The following PGR variants were observed in gnomAD, a reference collection of about 807,000 sequenced individuals.
PGR encodes progesterone receptor.
PGR carries 25 observed loss-of-function variants against 76.1 expected under a neutral mutation model. The ratio of observed to expected loss-of-function variants is 0.33; its 90% CI spans 0.24 to 0.46. The LOEUF (loss-of-function observed/expected upper bound fraction) is 0.46, where lower values mean the gene tolerates loss of function less well. Ranked by LOEUF, PGR falls within the 20% of genes least tolerant of loss-of-function variation. The pLI is 1.00. For synonymous variants in PGR, 579 were observed against 535.0 expected (o/e 1.08, Z -1.14); for missense variants, 1,172 against 1,225.3 (o/e 0.96, Z 0.65).
intron 2 of PGR, among the ~76,000 whole-genome samples, chr11:101,096,315 A>T (rs1279465140): frequency 6.6e-6 from 1 of 152,224 alleles, no homozygotes; most frequent in Non-Finnish European, 1.5e-5. Flanking sequence ...ACTTTTCATC[A>T]TCTTTAACAT....
intron 2 of PGR, among the ~76,000 whole-genome samples, chr11:101,093,079 C>T (rs1174267799): frequency 1.3e-5 from 2 of 152,162 alleles, no homozygotes; most frequent in African/African-American, 4.8e-5. Context: ...TTCCTGACCT[C>T]ATGCATTTCT....
intron 3 of PGR, among the ~76,000 whole-genome samples, chr11:101,084,656 T>TAAA (rs113646711): frequency 7.2e-6 from 1 of 139,404 alleles, no homozygotes; most frequent in African/African-American, 2.7e-5. Context: ...AGACTCCATC[T>TAAA]AAAAAAAAAA....
chr11:101,062,910 ATAAAT>A (rs1444343199), intron 3 of PGR, 158 bp from the exon 4 acceptor site: 11 of 569,030 alleles, frequency 1.9e-5, no homozygotes, highest in East Asian at 1.5e-4. Context: ...ATTACAAAAA[ATAAAT>A]TAAAACATGT....
chr11:101,113,503 C>T (rs1236240625), intron 2 of PGR, among the ~76,000 whole-genome samples: 4 of 151,928 alleles, frequency 2.6e-5, no homozygotes, highest in African/African-American at 9.7e-5. Flanking sequence ...ATCTCCTGAC[C>T]TCGTGATCTG....
intron 2 of PGR, among the ~76,000 whole-genome samples, chr11:101,099,918 G>A (rs2135468680): frequency 6.6e-6 from 1 of 152,304 alleles, no homozygotes; most frequent in African/African-American, 2.4e-5. Flanking sequence ...GGTGAGTGTA[G>A]GCAGCATAAA....
chr11:101,082,678 G>A (rs780250590), intron 3 of PGR, among the ~76,000 whole-genome samples: 1 of 152,098 alleles, frequency 6.6e-6, no homozygotes, highest in African/African-American at 2.4e-5. Context: ...GATGATTTGG[G>A]GTATCTGGTG....
intron 2 of PGR, among the ~76,000 whole-genome samples, chr11:101,120,268 A>G (rs565427265): frequency 6.6e-6 from 1 of 152,212 alleles, no homozygotes; most frequent in Non-Finnish European, 1.5e-5. Context: ...ATACATTTTC[A>G]TCTTCAGTCC....
intron 3 of PGR, among the ~76,000 whole-genome samples, chr11:101,066,372 ACT>A (rs1860715383): frequency 6.6e-6 from 1 of 151,836 alleles, no homozygotes; most frequent in Admixed American, 6.6e-5. Context: ...TCTTGTAGTC[ACT>A]CTTTCAGTCT....
At chr11:101,118,114 CTG>C (rs2135497110) in intron 2 of PGR, among the ~76,000 whole-genome samples, 1 of 152,324 alleles carries the variant, frequency 6.6e-6, no homozygotes, top group Non-Finnish European at 1.5e-5. Context: ...AAATCAAAGA[CTG>C]TATCTTTTCC....
chr11:101,126,190 T>A (rs1345290111), intron 1 of PGR, 32 bp from the exon 2 acceptor site: 13 of 1,608,936 alleles, frequency 8.1e-6, no homozygotes, highest in Non-Finnish European at 1.1e-5. Context: ...CTCCATTTAT[T>A]TTTAAGTGCA....
chr11:101,049,040 CTG>C, intron 6 of PGR, among the ~76,000 whole-genome samples: 1 of 152,186 alleles, frequency 6.6e-6, no homozygotes, highest in Non-Finnish European at 1.5e-5. Flanking sequence ...GCCACCGTGC[CTG>C]GCTTTCTTTC....
intron 2 of PGR, among the ~76,000 whole-genome samples, chr11:101,100,549 T>G (rs1861965306): frequency 6.6e-6 from 1 of 151,996 alleles, no homozygotes; most frequent in African/African-American, 2.4e-5. Flanking sequence ...GAAGAACTAG[T>G]CTACAAAGCA....
At position 101,123,339 on chromosome 11, in the gene PGR, T is replaced by C. The variant is rs35370108; in HGVS notation, c.1789+2668A>G. ...CCTGTTTACTTTAAACTTCTGGCCATATTGGCATCCACACACAGCGCCACC... is the reference window on the plus strand; with the variant it reads ...CCTGTTTACTTTAAACTTCTGGCCACATTGGCATCCACACACAGCGCCACC... On this transcript the variant is annotated intron_variant, in intron 2 of 7. Transcript: ENST00000325455. 8.0e-3 allele frequency among the ~76,000 whole-genome samples: 1,223 copies of C among 152,288 alleles called. 17 individuals carry two copies. The highest frequency in any genetic ancestry group is 0.026 in the African/African-American group (1,080 of 41,544).
chr11:101,074,508 A>T (rs1861056448), intron 3 of PGR, among the ~76,000 whole-genome samples: 1 of 152,224 alleles, frequency 6.6e-6, no homozygotes, highest in African/African-American at 2.4e-5. Context: ...AATAAAGCGT[A>T]TTCAAATAGG....
At position 101,129,401 on chromosome 11, in the gene PGR, C is replaced by G. The variant is rs1186222391; in HGVS notation, c.-331G>C. The G allele has an allele frequency of 3.2e-6, 1 of 315,166 alleles. No homozygotes were observed. The highest frequency in any genetic ancestry group is 2.1e-5 in the African/African-American group (1 of 47,776). The allele number at this position is 315,166 out of a possible 1,614,324, so 19.5% of individuals were successfully genotyped here. A position where few individuals can be genotyped will look rare whatever the true frequency, so the allele number is the denominator to read the frequency against. ...CCAAGAGAGTTCTCCAACTTCTGTC[C>G]GAGGACTGGAGACGCAGAGTACTCA... On this transcript the variant is annotated 5_prime_UTR_variant, in exon 1 of 8. Transcript: ENST00000325455.
At position 101,037,744 on chromosome 11, in the gene PGR, T is replaced by G. The variant is rs1244234826; in HGVS notation, c.*1372A>C. 3.1e-5 allele frequency: 7 copies of G among 226,504 alleles called. No homozygotes were observed. Among genetic ancestry groups the G allele is most frequent in the Non-Finnish European group, 6.1e-5 (7 of 113,896 alleles). The allele number at this position is 226,504 out of a possible 1,614,324, so 14.0% of individuals were successfully genotyped here. On this transcript the variant is annotated 3_prime_UTR_variant, in exon 8 of 8. Transcript: ENST00000325455. The stretch of plus-strand genomic sequence containing the variant: ...GGAGATAAAGCATGGGAGAAGAAAG[T>G]GATAAAGTCATGGGTACAGAAATAT...
chr11:101,042,717 G>A (rs11224567), intron 6 of PGR, among the ~76,000 whole-genome samples: 17,613 of 152,014 alleles, frequency 0.12, 1,315 homozygotes, highest in Non-Finnish European at 0.16. Flanking sequence ...AGATATAGCC[G>A]GTTTGGTTCC....
intron 2 of PGR, among the ~76,000 whole-genome samples, chr11:101,119,602 G>C (rs1442329332): frequency 1.3e-5 from 2 of 152,096 alleles, no homozygotes; most frequent in African/African-American, 4.8e-5. Context: ...AGATCTAAGG[G>C]TTTCCTGTTA....
chr11:101,076,511 T>G (rs1191504162), intron 3 of PGR, among the ~76,000 whole-genome samples: 1 of 151,832 alleles, frequency 6.6e-6, no homozygotes. Context: ...TTGAAAACAT[T>G]AAAAAGTATG....
Sources: gnomAD v4.1 joint callset for allele counts (sites outside exome capture counted in the v4.1 genomes callset) on GRCh38, gnomAD v4.1.1 for gene constraint, MANE v1.5 for transcripts, NCBI Gene and HGNC (gene_info 2026-07-23, HGNC 2026-07-21) for gene names.